MCCC1: variants seen among roughly 807,000 people sequenced by gnomAD.
The protein encoded by MCCC1 is methylcrotonoyl-CoA carboxylase subunit alpha, mitochondrial.
In MCCC1, 64 loss-of-function variants were observed where a neutral mutation model predicts 83.8. That is an observed-to-expected ratio of 0.76 (90% CI 0.62 to 0.94). MCCC1 has a LOEUF of 0.94. Ranked by LOEUF, MCCC1 falls within the 40% of genes least tolerant of loss-of-function variation. The probability of loss-of-function intolerance (pLI) is 0.00; values close to 1 mark genes in which losing one functional copy is unlikely to be tolerated. For synonymous variants in MCCC1, 322 were observed against 315.4 expected, an observed-to-expected ratio of 1.02 and a Z score of -0.22; for missense variants, 807 against 904.7, an observed-to-expected ratio of 0.89 and a Z score of 1.39.
chr3:183,019,187 T>C (rs1711937581), intron 17 of MCCC1, among the ~76,000 whole-genome samples: 1 of 152,196 alleles, frequency 6.6e-6, no homozygotes, highest in Non-Finnish European at 1.5e-5. Flanking sequence ...GCATATACAG[T>C]TGAGTTTTTA....
At chr3:183,076,797 G>A (rs529822395) in intron 4 of MCCC1, among the ~76,000 whole-genome samples, 8 of 152,120 alleles carry the variant, frequency 5.3e-5, no homozygotes, top group Admixed American at 2.0e-4. Context: ...ACTCAAAGTC[G>A]CACAATTATC....
At chr3:183,036,398 C>T (rs1401733979) in intron 13 of MCCC1, among the ~76,000 whole-genome samples, 1 of 152,036 alleles carries the variant, frequency 6.6e-6, no homozygotes, top group African/African-American at 2.4e-5. Context: ...TGTCTTGAGA[C>T]TCTGGGACAA....
intron 7 of MCCC1, among the ~76,000 whole-genome samples, chr3:183,067,453 T>C (rs971234098): frequency 2.0e-5 from 3 of 152,242 alleles, no homozygotes; most frequent in African/African-American, 7.2e-5. Context: ...AATCAGGCCA[T>C]GTATAATAAA....
intron 14 of MCCC1, among the ~76,000 whole-genome samples, chr3:183,027,163 G>C (rs920995781): frequency 6.6e-6 from 1 of 152,172 alleles, no homozygotes; most frequent in Admixed American, 6.5e-5. Flanking sequence ...CTGCGCCCAT[G>C]TAAGATAGAG....
At chr3:183,019,768 G>A (rs1400144457) in intron 17 of MCCC1, among the ~76,000 whole-genome samples, 1 of 152,114 alleles carries the variant, frequency 6.6e-6, no homozygotes, top group African/African-American at 2.4e-5. Context: ...TACACTAAAA[G>A]AAAATGTCAT....
Position 183,094,756 on chromosome 3 carries a change from G to GA in MCCC1, c.90-152dup, listed in dbSNP as rs1468936961. ...TCTTAGTGGGTAGAAAACTAATCTAGAACTCAAGAGTTAGAGTTCTGGCTG... is the reference window on the plus strand; with the variant it reads ...TCTTAGTGGGTAGAAAACTAATCTAGAAACTCAAGAGTTAGAGTTCTGGCTG... On this transcript the variant is annotated intron_variant, in intron 1 of 18. Transcript: ENST00000265594. 1.3e-5 allele frequency: 10 copies of GA among 768,896 alleles called. No homozygotes were observed. In the East Asian group the frequency reaches 2.7e-4, roughly 21 times the overall value. The allele number at this position is 768,896 out of a possible 1,614,324, so 47.6% of individuals were successfully genotyped here. A position where few individuals can be genotyped will look rare whatever the true frequency, so the allele number is the denominator to read the frequency against.
At position 183,071,231 on chromosome 3, in the gene MCCC1, G is replaced by A. The variant is rs760366008; in HGVS notation, c.618C>T (p.Ala206=). The change falls in exon 6 of 19, where the codon GCC becomes GCT. Residue 206 remains alanine, a synonymous_variant. Coordinates refer to ENST00000265594, the MANE Select transcript of MCCC1 (RefSeq NM_020166.5). ...RRIGYPVMIK[A]VRGGGGKGMR... is the part of the protein sequence containing the mutation. Reference sequence around the variant, plus strand: ...TTACTTTTCCTCCTCCACCCCGGACGGCTTTAATCATGACAGGATAGCCAA... The same window carrying A: ...TTACTTTTCCTCCTCCACCCCGGACAGCTTTAATCATGACAGGATAGCCAA... 25 of 1,614,056 alleles carry A rather than the reference G, an allele frequency of 1.5e-5. No homozygotes were observed. The highest frequency in any genetic ancestry group is 1.5e-4 in the South Asian group (14 of 91,092).
At chr3:183,031,866 A>C (rs1366781516) in intron 14 of MCCC1, among the ~76,000 whole-genome samples, 1 of 148,500 alleles carries the variant, frequency 6.7e-6, no homozygotes, top group African/African-American at 2.5e-5. Context: ...ACAGGATCTC[A>C]CTATGTCACC....
intron 14 of MCCC1, among the ~76,000 whole-genome samples, chr3:183,028,650 T>C (rs1366929897): frequency 6.6e-6 from 1 of 152,226 alleles, no homozygotes; most frequent in African/African-American, 2.4e-5. Context: ...TTCAAAACTT[T>C]AGCAGAGGAA....
rs868123192 is a variant in MCCC1 at position 183,093,406 on chromosome 3, G to A, written c.137-861C>T. ...ATCTGGGACTTCAACCTAGATCTGCGTCACTCCAGAATTTAAGCTTTCAGT... is the reference window on the plus strand; with the variant it reads ...ATCTGGGACTTCAACCTAGATCTGCATCACTCCAGAATTTAAGCTTTCAGT... On this transcript the variant is annotated intron_variant, in intron 2 of 18. Coordinates refer to ENST00000265594, the MANE Select transcript of MCCC1 (RefSeq NM_020166.5). Among the ~76,000 whole-genome samples the A allele has an allele frequency of 3.3e-5, 5 of 152,104 alleles. No individual in the cohort carries two copies. The East Asian group carries it at 5.8e-4, about 18-fold the overall frequency.
chr3:183,017,456 C>A, intron 17 of MCCC1, 119 bp from the exon 18 acceptor site: 2 of 887,454 alleles, frequency 2.3e-6, no homozygotes, highest in South Asian at 2.8e-5. Flanking sequence ...ATGTTGCAAA[C>A]CATGAATATA....
chr3:183,079,422 C>A (rs1364487851), intron 4 of MCCC1, among the ~76,000 whole-genome samples: 1 of 152,190 alleles, frequency 6.6e-6, no homozygotes, highest in African/African-American at 2.4e-5. Flanking sequence ...TCCAGCAGGG[C>A]AGTCAAATCT....
At chr3:183,110,043 G>C (rs1719468797) in intron 1 of MCCC1, among the ~76,000 whole-genome samples, 1 of 152,148 alleles carries the variant, frequency 6.6e-6, no homozygotes, top group Admixed American at 6.5e-5. Context: ...TTGGCTGCAT[G>C]TATGTCCTCT....
In MCCC1 at chr3:183,017,289, C is replaced by T; in HGVS notation, c.2026G>A (p.Val676Ile). 6.2e-7 allele frequency: 1 copy of T among 1,613,932 alleles called. No individual in the cohort carries two copies. The highest frequency in any genetic ancestry group is 8.5e-7 in the Non-Finnish European group (1 of 1,180,018). ...DKVKAGDSLMVMIAMKMEHTI... is the reference protein window; with the variant it reads ...DKVKAGDSLMIMIAMKMEHTI... ...ACCTCCATCTTCATGGCGATCATAACCATGAGGGAATCTCCCGCTTTCACT... is the reference window on the plus strand; with the variant it reads ...ACCTCCATCTTCATGGCGATCATAATCATGAGGGAATCTCCCGCTTTCACT... Residue 676 changes from valine (V) to isoleucine (I), a missense_variant, in exon 18 of 19, where the codon GTT becomes ATT. Physicochemically the swap from Val to Ile is conservative, Grantham distance 29. Coordinates refer to ENST00000265594, the MANE Select transcript of MCCC1 (RefSeq NM_020166.5).
Position 183,086,702 on chromosome 3 carries a change from A to G in MCCC1, c.360T>C (p.Ser120=), listed in dbSNP as rs1717914059. ...MEKIIQVAKT[S]AAQAIHPGCG... ...TCTTCACAACCCTCACCTGTGCAGC[A>G]GAGGTCTTGGCCACTTGAATGATTT... Residue 120 remains serine (S), a synonymous_variant, in exon 4 of 19, where the codon TCT becomes TCC. Transcript: ENST00000265594. 1 of 1,613,842 alleles carries G rather than the reference A, an allele frequency of 6.2e-7. No individual in the cohort carries two copies.
intron 4 of MCCC1, among the ~76,000 whole-genome samples, chr3:183,081,064 A>C (rs963510330): frequency 6.6e-6 from 1 of 152,332 alleles, no homozygotes; most frequent in Middle Eastern, 3.4e-3. Flanking sequence ...AAACAAAAGG[A>C]GCCATCTCCT....
At chr3:183,041,432 T>G (rs1577275583) in intron 11 of MCCC1, 135 bp downstream of exon 11, 4 of 968,018 alleles carry the variant, frequency 4.1e-6, no homozygotes, top group Non-Finnish European at 6.1e-6. Context: ...TAATGGTTAC[T>G]GAGAAATCAC....
intron 14 of MCCC1, among the ~76,000 whole-genome samples, chr3:183,027,466 A>G (rs1004165267): frequency 3.3e-5 from 5 of 152,174 alleles, no homozygotes; most frequent in Admixed American, 2.6e-4. Flanking sequence ...TGCAAAGGAA[A>G]AGTTCTTGAA....
At chr3:183,035,386 C>A (rs902120305) in intron 13 of MCCC1, among the ~76,000 whole-genome samples, 5 of 152,022 alleles carry the variant, frequency 3.3e-5, no homozygotes, top group Admixed American at 3.3e-4. Context: ...ATACAGCTAT[C>A]TTGAATGAAT....
Sources: gnomAD v4.1 joint callset for allele counts (sites outside exome capture counted in the v4.1 genomes callset) on GRCh38, gnomAD v4.1.1 for gene constraint, MANE v1.5 for transcripts, NCBI Gene and HGNC (gene_info 2026-07-23, HGNC 2026-07-21) for gene names.